MACROD2: variants seen among roughly 807,000 people sequenced by gnomAD.
The protein encoded by MACROD2 is mono-ADP ribosylhydrolase 2, also known as ADP-ribose glycohydrolase MACROD2.
Under a neutral mutation model 70.4 loss-of-function variants are expected in MACROD2, and 36 were observed. The ratio of observed to expected loss-of-function variants is 0.51; its 90% CI spans 0.39 to 0.68. The LOEUF is 0.68. Among genes scored for constraint, MACROD2 ranks in the 30% least tolerant of loss-of-function variants. The pLI, the probability that MACROD2 is intolerant of heterozygous loss-of-function variation, is 0.00. For missense variants in MACROD2, 496 were observed against 538.4 expected, an observed-to-expected ratio of 0.92 and a Z score of 0.78; for synonymous variants, 172 against 178.8, an observed-to-expected ratio of 0.96 and a Z score of 0.30.
At chr20:15,499,900 C>A in intron 8 of MACROD2, 53 bp downstream of exon 8, 1 of 1,553,640 alleles carries the variant, frequency 6.4e-7, no homozygotes, top group Non-Finnish European at 8.9e-7. Context: ...ATTTGATGCT[C>A]AGTTCCCCCC....
In MACROD2 at chr20:15,332,153, G is replaced by T. The variant is rs568540669; in HGVS notation, c.541-99252G>T. ...GGGCTCTCCAGTGCTGTTGACATGG[G>T]CATATCATTTTTGTCCAGGTTAAAA... On this transcript the variant is annotated intron_variant, in intron 6 of 17. Coordinates refer to ENST00000684519, the MANE Select transcript of MACROD2 (RefSeq NM_001351661.2). Among the ~76,000 whole-genome samples, 52 of 151,562 alleles carry T rather than the reference G, an allele frequency of 3.4e-4. 2 individuals carry two copies. The highest frequency in any genetic ancestry group is 1.3e-3 in the African/African-American group (52 of 41,002).
At position 15,275,081 on chromosome 20, in the gene MACROD2, A is replaced by T. The variant is rs1600182430; in HGVS notation, c.540+45020A>T. On this transcript the variant is annotated intron_variant, in intron 6 of 17. Transcript: ENST00000684519. ...TGGGGGAGGTGCTAAAGGGTGAAGAATTAGGCTAGATGATCCCATAGGGAA... is the reference window on the plus strand; with the variant it reads ...TGGGGGAGGTGCTAAAGGGTGAAGATTTAGGCTAGATGATCCCATAGGGAA... 2.0e-5 allele frequency among the ~76,000 whole-genome samples: 3 copies of T among 152,196 alleles called. No individual in the cohort carries two copies. The East Asian group carries it at 5.8e-4, about 29-fold the overall frequency.
At chr20:15,959,127 T>C (rs192237330) in intron 12 of MACROD2, among the ~76,000 whole-genome samples, 89 of 152,348 alleles carry the variant, frequency 5.8e-4, no homozygotes, top group African/African-American at 2.1e-3. Flanking sequence ...CCTTCTATAA[T>C]TGAAAATAAC....
At chr20:15,330,039 C>T (rs1266120618) in intron 6 of MACROD2, among the ~76,000 whole-genome samples, 1 of 151,966 alleles carries the variant, frequency 6.6e-6, no homozygotes, top group African/African-American at 2.4e-5. Context: ...TAAGTTTCCC[C>T]GAGTTTATCA....
chr20:14,940,008 CT>C, intron 5 of MACROD2, among the ~76,000 whole-genome samples: 1 of 151,708 alleles, frequency 6.6e-6, no homozygotes, highest in Non-Finnish European at 1.5e-5. Flanking sequence ...TTGGTAGAAT[CT>C]TAAGGTTTTC....
chr20:15,510,658 C>T (rs1460752205), intron 8 of MACROD2, among the ~76,000 whole-genome samples: 1 of 152,170 alleles, frequency 6.6e-6, no homozygotes, highest in Non-Finnish European at 1.5e-5. Flanking sequence ...GCCACTGCTA[C>T]TCACTAGGGT....
chr20:14,401,721 T>C (rs1391662800), intron 3 of MACROD2, among the ~76,000 whole-genome samples: 2 of 152,192 alleles, frequency 1.3e-5, no homozygotes, highest in Non-Finnish European at 2.9e-5. Flanking sequence ...GGTGGTTTTG[T>C]TGGTTCACAG....
chr20:14,363,686 T>TGGCA (rs11472675), intron 3 of MACROD2, among the ~76,000 whole-genome samples: 99,622 of 150,610 alleles, frequency 0.66, 33,764 homozygotes, highest in Non-Finnish European at 0.74. Context: ...CCGGGCGCGG[T>TGGCA]GGCGCCTGTA....
At chr20:14,682,359 C>A (rs559299806) in intron 4 of MACROD2, among the ~76,000 whole-genome samples, 1 of 151,606 alleles carries the variant, frequency 6.6e-6, no homozygotes, top group Non-Finnish European at 1.5e-5. Context: ...CTCTGTTTCC[C>A]ATCTCATAAT....
At chr20:14,173,210 C>G (rs1018669331) in intron 3 of MACROD2, among the ~76,000 whole-genome samples, 1 of 151,974 alleles carries the variant, frequency 6.6e-6, no homozygotes, top group Non-Finnish European at 1.5e-5. Flanking sequence ...AAATTTTCCT[C>G]GATTATCCCC....
Position 14,809,887 on chromosome 20 carries a change from G to A in MACROD2, c.418+124928G>A, listed in dbSNP as rs147029051. Among the ~76,000 whole-genome samples the A allele has an allele frequency of 1.8e-3, 268 of 152,088 alleles. 3 individuals are homozygous for A. Among genetic ancestry groups the A allele is most frequent in the Non-Finnish European group, 2.2e-3 (148 of 67,970 alleles). On this transcript the variant is annotated intron_variant, in intron 5 of 17. Coordinates refer to ENST00000684519, the MANE Select transcript of MACROD2 (RefSeq NM_001351661.2). ...CACTGCCCCCGCAAGATTAAACCAG[G>A]AAGAATTTGAATCCCTGAATAGACC...
At chr20:15,564,612 G>T (rs2048287677) in intron 8 of MACROD2, among the ~76,000 whole-genome samples, 1 of 152,126 alleles carries the variant, frequency 6.6e-6, no homozygotes, top group Admixed American at 6.6e-5. Context: ...AGGAATGCCT[G>T]CAAAATCATG....
At chr20:15,781,428 T>C (rs2051829038) in intron 8 of MACROD2, among the ~76,000 whole-genome samples, 1 of 150,200 alleles carries the variant, frequency 6.7e-6, no homozygotes, top group Non-Finnish European at 1.5e-5. Flanking sequence ...GACTGGGTAA[T>C]TTATAAAGAC....
At chr20:15,243,821 G>A (rs917003045) in intron 6 of MACROD2, among the ~76,000 whole-genome samples, 3 of 151,802 alleles carry the variant, frequency 2.0e-5, no homozygotes, top group African/African-American at 4.8e-5. Flanking sequence ...AGCTACTGGG[G>A]AGGCTGAGGC....
chr20:15,383,567 G>A (rs2045672693), intron 6 of MACROD2, among the ~76,000 whole-genome samples: 1 of 152,194 alleles, frequency 6.6e-6, no homozygotes, highest in African/African-American at 2.4e-5. Context: ...AAGGGACATA[G>A]TGGATGAGGC....
chr20:15,120,039 T>G (rs1280157225), intron 5 of MACROD2, among the ~76,000 whole-genome samples: 1 of 152,224 alleles, frequency 6.6e-6, no homozygotes, highest in African/African-American at 2.4e-5. Context: ...TTATCACCCC[T>G]AGGATCAGTA....
At chr20:14,011,305 T>C (rs891807443) in intron 2 of MACROD2, among the ~76,000 whole-genome samples, 1 of 152,136 alleles carries the variant, frequency 6.6e-6, no homozygotes, top group Non-Finnish European at 1.5e-5. Context: ...GGTGTTTATC[T>C]TTTTCCTTCA....
intron 10 of MACROD2, among the ~76,000 whole-genome samples, chr20:15,913,464 T>C (rs1273589012): frequency 6.6e-6 from 1 of 152,146 alleles, no homozygotes; most frequent in Non-Finnish European, 1.5e-5. Context: ...CTTCAGTAAG[T>C]CTGCAATTAT....
chr20:14,322,895 G>C (rs2082677870), intron 3 of MACROD2: 1 of 152,168 alleles, frequency 6.6e-6, no homozygotes, highest in African/African-American at 2.4e-5. Context: ...AACATAGCTA[G>C]GAAGGGTAAG....
Sources: allele counts gnomAD v4.1 joint callset (sites outside exome capture counted in the v4.1 genomes callset), GRCh38; gene constraint gnomAD v4.1.1; transcripts MANE v1.5; gene names NCBI Gene and HGNC (gene_info 2026-07-23, HGNC 2026-07-21).